Variants in C6 observed in about 807,000 individuals in gnomAD.
C6 encodes complement component C6.
A neutral mutation model predicts 112.9 loss-of-function variants in C6; 101 were observed. The observed-to-expected ratio is 0.89, with a 90% CI of 0.76 to 1.06. The LOEUF (loss-of-function observed/expected upper bound fraction) is 1.06. C6 is among the 50% of genes least tolerant of loss of function. The probability of loss-of-function intolerance (pLI) is 0.00; values close to 1 mark genes in which losing one functional copy is unlikely to be tolerated. For missense variants in C6, 1,202 were observed against 1,104.6 expected (o/e 1.09, Z -1.25); for synonymous variants, 431 against 384.1 (o/e 1.12, Z -1.43).
intron 9 of C6, among the ~76,000 whole-genome samples, chr5:41,167,266 G>A (rs375887326): frequency 6.6e-6 from 1 of 152,028 alleles, no homozygotes; most frequent in African/African-American, 2.4e-5. Context: ...GCTCTTGAGA[G>A]AGAAAAAGAA....
At chr5:41,187,595 T>C (rs1749875781) in intron 5 of C6, among the ~76,000 whole-genome samples, 1 of 152,078 alleles carries the variant, frequency 6.6e-6, no homozygotes, top group South Asian at 2.1e-4. Flanking sequence ...TTGAAAGTTG[T>C]AAAGTGATGT....
intron 7 of C6, 26 bp from the exon 8 acceptor site, chr5:41,176,741 A>G: frequency 3.1e-6 from 5 of 1,599,276 alleles, no homozygotes; most frequent in Non-Finnish European, 4.3e-6. Flanking sequence ...AAGTAAAAAG[A>G]TGATTAAAGG....
intron 1 of C6, among the ~76,000 whole-genome samples, chr5:41,240,476 G>A (rs1468912796): frequency 2.6e-5 from 4 of 152,126 alleles, no homozygotes; most frequent in Admixed American, 6.5e-5. Flanking sequence ...GTAGGGTGGC[G>A]GGATAACTCT....
rs554542079 is a variant in C6, at chr5:41,168,844, A to T, written c.1291+3381T>A. Among the ~76,000 whole-genome samples the T allele has an allele frequency of 2.6e-5, 4 of 152,188 alleles. No homozygotes were observed. In the South Asian group the frequency reaches 6.2e-4, roughly 24 times the overall value. ...CCTGTGAACTTTTTGAAGTCCTCTC[A>T]TGTACATTTAATCTTCTCAAGTAGT... is the stretch of plus-strand genomic sequence containing the variant. On this transcript the variant is annotated intron_variant, in intron 9 of 17. Transcript: ENST00000337836.
At chr5:41,188,140 T>C (rs1482284182) in intron 5 of C6, among the ~76,000 whole-genome samples, 1 of 152,150 alleles carries the variant, frequency 6.6e-6, no homozygotes, top group Non-Finnish European at 1.5e-5. Flanking sequence ...GAAATCTCAA[T>C]GAATAGAAAG....
chr5:41,181,524 G>C lies in C6; in HGVS notation c.762C>G (p.Phe254Leu). The C allele has an allele frequency of 6.2e-7, 1 of 1,613,546 alleles. No homozygotes were observed. The highest frequency in any genetic ancestry group is 8.5e-7 in the Non-Finnish European group (1 of 1,179,726). ...QTAEDDLKTD[F>L]YKDLTSLGHN... ...GTCCAAGAGAAGTTAAATCCTTGTA[G>C]AAATCTGTTTTCAAGTCATCTTCTG... The change falls in exon 7 of 18, where the codon TTC becomes TTG. Residue 254 changes from phenylalanine (F) to leucine (L), a missense_variant. Physicochemically the swap from Phe to Leu is conservative, Grantham distance 22. Coordinates refer to ENST00000337836, the MANE Select transcript of C6 (RefSeq NM_000065.5).
intron 9 of C6, among the ~76,000 whole-genome samples, chr5:41,169,220 G>T (rs74573636): frequency 6.6e-6 from 1 of 151,988 alleles, no homozygotes; most frequent in Non-Finnish European, 1.5e-5. Flanking sequence ...GCTAACAAAG[G>T]TCTCATTCTC....
intron 9 of C6, among the ~76,000 whole-genome samples, chr5:41,167,551 G>A (rs1480256398): frequency 8.5e-5 from 13 of 152,050 alleles, no homozygotes; most frequent in Non-Finnish European, 2.9e-5. Context: ...ACAAGTAGAA[G>A]TTTGATAGAA....
intron 17 of C6, among the ~76,000 whole-genome samples, chr5:41,145,434 A>C (rs1745728028): frequency 6.6e-6 from 1 of 152,232 alleles, no homozygotes; most frequent in Non-Finnish European, 1.5e-5. Context: ...TGAATTGTGC[A>C]TGCAGGTATA....
At chr5:41,147,716 A>T (rs1290047749) in intron 17 of C6, among the ~76,000 whole-genome samples, 1 of 152,210 alleles carries the variant, frequency 6.6e-6, no homozygotes. Flanking sequence ...CACAAAGGAA[A>T]TATCTCTAAC....
intron 3 of C6, 118 bp from the exon 4 acceptor site, chr5:41,200,030 T>G (rs768952042): frequency 6.4e-5 from 56 of 878,786 alleles, no homozygotes; most frequent in Non-Finnish European, 1.0e-4. Context: ...ATTTCTTATA[T>G]TTTTACTAAT....
At chr5:41,156,986 A>G (rs1746972934) in intron 13 of C6, among the ~76,000 whole-genome samples, 1 of 152,200 alleles carries the variant, frequency 6.6e-6, no homozygotes, top group Non-Finnish European at 1.5e-5. Context: ...TCTGTTACTC[A>G]TTAAATAAAT....
chr5:41,213,764 C>T (rs1752082007), upstream of C6, among the ~76,000 whole-genome samples: 1 of 152,002 alleles, frequency 6.6e-6, no homozygotes, highest in East Asian at 1.9e-4. Flanking sequence ...ATTGCTGCCC[C>T]CCTTAGGAAT....
At chr5:41,159,361 T>C in intron 11 of C6, 108 bp from the exon 12 acceptor site, 1 of 1,496,896 alleles carries the variant, frequency 6.7e-7, no homozygotes, top group African/African-American at 1.4e-5. Context: ...ACTTCCTTTG[T>C]GGGATATGAT....
At chr5:41,209,118 A>C (rs1751683187) in intron 1 of C6, among the ~76,000 whole-genome samples, 1 of 152,196 alleles carries the variant, frequency 6.6e-6, no homozygotes, top group Admixed American at 6.5e-5. Context: ...AACGACAAAA[A>C]CCACATGATT....
At chr5:41,176,328 G>T (rs1233611271) in intron 8 of C6, 147 bp downstream of exon 8, 6 of 832,580 alleles carry the variant, frequency 7.2e-6, no homozygotes, top group Non-Finnish European at 1.1e-5. Context: ...ATTTGAATGT[G>T]TATTTTTTAT....
Position 41,186,162 on chromosome 5 carries a change from A to G in C6, c.634T>C (p.Ser212Pro). The change falls in exon 6 of 18, where the codon TCT becomes CCT. Residue 212 changes from serine to proline, a missense_variant. Physicochemically the swap from Ser to Pro is moderately conservative, Grantham distance 74. Transcript: ENST00000337836. ...GTTTTACATATTCCTCCAGTGAAAG[A>G]GTTATCAAGGACTTCTCCTCTGGGC... is the stretch of plus-strand genomic sequence containing the variant. ...GEPRGEVLDN[S>P]FTGGICKTVK... 6.2e-7 allele frequency: 1 copy of G among 1,613,992 alleles called. No homozygotes were observed. Among genetic ancestry groups the G allele is most frequent in the Non-Finnish European group, 8.5e-7 (1 of 1,179,914 alleles).
Position 41,153,884 on chromosome 5 carries a change from G to A in C6, c.2216C>T (p.Ala739Val). 7 of 1,613,692 alleles carry A rather than the reference G, an allele frequency of 4.3e-6. No individual in the cohort carries two copies. Among genetic ancestry groups the A allele is most frequent in the Non-Finnish European group, 5.9e-6 (7 of 1,179,750 alleles). ...CTGGCATGTGTACCTTGATGGCCCA[G>A]CAACAACAAAGCCTTTGGGGCAAGT... Reference protein sequence around the residue: ...ELTCPKGFVVAGPSRYTCQGN... With the variant: ...ELTCPKGFVVVGPSRYTCQGN... Residue 739 changes from alanine to valine, a missense_variant, in exon 15 of 18, where the codon GCT becomes GTT. Physicochemically the swap from Ala to Val is moderately conservative, Grantham distance 64. Coordinates refer to ENST00000337836, the MANE Select transcript of C6 (RefSeq NM_000065.5).
Position 41,205,508 on chromosome 5 carries a change from G to A in C6, c.-20-2258C>T, listed in dbSNP as rs112878228. On this transcript the variant is annotated intron_variant, in intron 1 of 17. Transcript: ENST00000337836. Reference sequence around the variant, plus strand: ...ATTACAGACAGTACCTGGAAAATCGGGACACTCCCACCCTAATGAGGCACA... The same window carrying A: ...ATTACAGACAGTACCTGGAAAATCGAGACACTCCCACCCTAATGAGGCACA... Among the ~76,000 whole-genome samples the A allele has an allele frequency of 8.1e-3, 1,236 of 152,258 alleles. 19 individuals are homozygous for A. The highest frequency in any genetic ancestry group is 0.028 in the African/African-American group (1,158 of 41,526).
Sources: gnomAD v4.1 joint callset for allele counts (sites outside exome capture counted in the v4.1 genomes callset) on GRCh38, gnomAD v4.1.1 for gene constraint, MANE v1.5 for transcripts, NCBI Gene and HGNC (gene_info 2026-07-23, HGNC 2026-07-21) for gene names.